TXNDC9: variants seen among roughly 807,000 people sequenced by gnomAD.
The protein encoded by TXNDC9 is thioredoxin domain containing 9, also known as thioredoxin domain-containing protein 9.
TXNDC9 carries 7 observed loss-of-function variants against 23.0 expected under a neutral mutation model. The observed-to-expected ratio is 0.30, with a 90% confidence interval of 0.17 to 0.57. The LOEUF (loss-of-function observed/expected upper bound fraction) is 0.57. TXNDC9 is among the 20% of genes least tolerant of loss of function. The pLI is 0.90. For missense variants in TXNDC9, 198 were observed against 252.6 expected (o/e 0.78, Z 1.47); for synonymous variants, 72 against 90.6 (o/e 0.79, Z 1.17).
chr2:99,318,586 A>G (rs941574700), downstream of TXNDC9, among the ~76,000 whole-genome samples: 8 of 152,170 alleles, frequency 5.3e-5, no homozygotes, highest in Non-Finnish European at 1.2e-4. Context: ...CTCACAGTCT[A>G]CAAGGGGGAA....
At chr2:99,317,670 G>A (rs1167238730), downstream of TXNDC9, among the ~76,000 whole-genome samples, 1 of 151,742 alleles carries the variant, frequency 6.6e-6, no homozygotes, top group Admixed American at 6.6e-5. Flanking sequence ...TAGAGACAGG[G>A]TCTCACTATG....
At chr2:99,307,015 C>CTCCA in the TXNDC9 span, among the ~76,000 whole-genome samples, 1 of 75,290 alleles carries the variant, frequency 1.3e-5, no homozygotes, top group Non-Finnish European at 2.9e-5. Context: ...CCCTCCCTCC[C>CTCCA]TTCCTTCCTT....
intron 3 of TXNDC9, among the ~76,000 whole-genome samples, chr2:99,323,887 C>T (rs2094207853): frequency 6.6e-6 from 1 of 152,072 alleles, no homozygotes; most frequent in Non-Finnish European, 1.5e-5. Flanking sequence ...ACTCTGTCAC[C>T]CAGGCTGCAG....
intron 4 of TXNDC9, among the ~76,000 whole-genome samples, chr2:99,320,556 A>C (rs985190085): frequency 1.3e-5 from 2 of 152,196 alleles, no homozygotes; most frequent in African/African-American, 2.4e-5. Context: ...AAAGAATAAC[A>C]ATGGTAACTA....
At chr2:99,311,185 T>C in the TXNDC9 span, among the ~76,000 whole-genome samples, 5 of 152,042 alleles carry the variant, frequency 3.3e-5, no homozygotes, top group Admixed American at 1.3e-4. Context: ...GCCACCACAC[T>C]GGGCTAATGT....
the TXNDC9 span, among the ~76,000 whole-genome samples, chr2:99,311,176 C>T: frequency 1.3e-5 from 2 of 152,286 alleles, no homozygotes; most frequent in South Asian, 4.1e-4. Context: ...CAGGTGTGTG[C>T]CACCACACTG....
At chr2:99,323,658 C>T (rs2094207346) in intron 3 of TXNDC9, among the ~76,000 whole-genome samples, 6 of 152,062 alleles carry the variant, frequency 3.9e-5, no homozygotes, top group Admixed American at 3.3e-4. Context: ...ATCACTTGAA[C>T]CTGGGAGGTG....
chr2:99,307,009 C>CCCTT, the TXNDC9 span, among the ~76,000 whole-genome samples: 6 of 73,004 alleles, frequency 8.2e-5, no homozygotes, highest in African/African-American at 2.7e-4. Context: ...TCAATTCCCT[C>CCCTT]CCTCCCTTCC....
chr2:99,306,665 T>C, the TXNDC9 span: 1 of 385,994 alleles, frequency 2.6e-6, no homozygotes, highest in South Asian at 1.7e-5. Flanking sequence ...CCTGGGTGTC[T>C]GTAAAATAGC....
intron 2 of TXNDC9, among the ~76,000 whole-genome samples, chr2:99,329,653 C>G (rs753507426): frequency 1.3e-5 from 2 of 152,200 alleles, no homozygotes; most frequent in African/African-American, 2.4e-5. Context: ...TCACAACTTA[C>G]CAATGATATG....
the TXNDC9 span, among the ~76,000 whole-genome samples, chr2:99,308,970 G>T: frequency 3.3e-5 from 5 of 151,690 alleles, no homozygotes; most frequent in African/African-American, 1.2e-4. Context: ...CCATAGTGCT[G>T]GGATTACAGG....
chr2:99,317,705 T>C (rs1043040980), downstream of TXNDC9, among the ~76,000 whole-genome samples: 1 of 152,092 alleles, frequency 6.6e-6, no homozygotes, highest in Non-Finnish European at 1.5e-5. Context: ...CTTGTACTCC[T>C]GGCTTCAAGT....
chr2:99,310,542 C>T, the TXNDC9 span, among the ~76,000 whole-genome samples: 2 of 152,144 alleles, frequency 1.3e-5, no homozygotes, highest in Admixed American at 1.3e-4. Flanking sequence ...CTCCCTGGAA[C>T]CTATGTACAT....
chr2:99,332,922 A>G (rs951913904), intron 2 of TXNDC9, 100 bp downstream of exon 2: 8 of 1,041,064 alleles, frequency 7.7e-6, no homozygotes, highest in Admixed American at 2.3e-5. Flanking sequence ...TAAAAACCCT[A>G]AACACAAAGA....
chr2:99,327,462 T>A lies in TXNDC9; in HGVS notation c.308+73A>T, dbSNP rs1446912727. 5 of 1,036,008 alleles carry A rather than the reference T, an allele frequency of 4.8e-6. No homozygotes were observed. The African/African-American group carries it at 6.4e-5, about 13-fold the overall frequency. The allele number at this position is 1,036,008 out of a possible 1,614,324, so 64.2% of individuals were successfully genotyped here. On this transcript the variant is annotated intron_variant, in intron 3 of 4. Transcript: ENST00000264255. ...CTTTTAGTTTTCTTCATTTCTCTAGTAAGCCAGTATATCTCCAGCCAAACA... is the reference window on the plus strand; with the variant it reads ...CTTTTAGTTTTCTTCATTTCTCTAGAAAGCCAGTATATCTCCAGCCAAACA...
chr2:99,332,423 T>A (rs2094228275), intron 2 of TXNDC9, among the ~76,000 whole-genome samples: 1 of 152,040 alleles, frequency 6.6e-6, no homozygotes, highest in Non-Finnish European at 1.5e-5. Flanking sequence ...AGCCAGGGTG[T>A]CACAGCGAGA....
chr2:99,327,769 AG>A, intron 2 of TXNDC9, 116 bp from the exon 3 acceptor site: 1 of 635,210 alleles, frequency 1.6e-6, no homozygotes, highest in Admixed American at 3.2e-5. Flanking sequence ...TAAAAAAAAA[AG>A]TTTTTTTTTT....
downstream of TXNDC9, among the ~76,000 whole-genome samples, chr2:99,314,066 T>G (rs937217696): frequency 2.0e-5 from 3 of 152,200 alleles, no homozygotes; most frequent in Non-Finnish European, 4.4e-5. Context: ...AGTTTTTGGT[T>G]TTTGGTAATG....
chr2:99,316,117 C>CTTTTTTTTT (rs57142545), downstream of TXNDC9, among the ~76,000 whole-genome samples: 2 of 135,986 alleles, frequency 1.5e-5, no homozygotes, highest in African/African-American at 2.7e-5. Flanking sequence ...ATTTCTTTTT[C>CTTTTTTTTT]TTTTTTTTTT....
Sources: gnomAD v4.1 joint callset for allele counts (sites outside exome capture counted in the v4.1 genomes callset) on GRCh38, gnomAD v4.1.1 for gene constraint, MANE v1.5 for transcripts, NCBI Gene and HGNC (gene_info 2026-07-23, HGNC 2026-07-21) for gene names.